Variants in CDH1 observed in about 807,000 individuals in gnomAD.
CDH1 encodes the protein cadherin-1.
CDH1 carries 35 observed loss-of-function variants against 84.5 expected under a neutral mutation model. The observed-to-expected ratio is 0.41, with a 90% CI of 0.32 to 0.55. CDH1 has a LOEUF of 0.55. Ranked by LOEUF, CDH1 falls within the 20% of genes least tolerant of loss-of-function variation. The pLI is 0.19. For missense variants in CDH1, 994 were observed against 1,126.6 expected (o/e 0.88, Z 1.68); for synonymous variants, 417 against 439.0 (o/e 0.95, Z 0.63).
chr16:68,808,686 T>C lies in CDH1; in HGVS notation c.532-7T>C, dbSNP rs1432324307. ...TACTAATTCTTTTTCTTTCATTTTG[T>C]CTTCAGATCAAATCCAACAAAGACA... is the stretch of plus-strand genomic sequence containing the variant. On this transcript the variant is annotated splice_polypyrimidine_tract_variant and splice_region_variant and intron_variant, in intron 4 of 15. Coordinates refer to ENST00000261769, the MANE Select transcript of CDH1 (RefSeq NM_004360.5). 5.0e-6 allele frequency: 8 copies of C among 1,614,070 alleles called. No individual in the cohort carries two copies. The highest frequency in any genetic ancestry group is 1.7e-5 in the Admixed American group (1 of 59,984).
At chr16:68,767,331 A>G (rs1345662050) in intron 2 of CDH1, among the ~76,000 whole-genome samples, 1 of 151,936 alleles carries the variant, frequency 6.6e-6, no homozygotes, top group East Asian at 1.9e-4. Flanking sequence ...AGTAGCTGGG[A>G]TTACAGGGGT....
chr16:68,833,687 G>T lies in CDH1; in HGVS notation c.*188G>T. The T allele has an allele frequency of 8.6e-6, 5 of 581,914 alleles. No homozygotes were observed. Among genetic ancestry groups the T allele is most frequent in the Non-Finnish European group, 1.2e-5 (4 of 328,138 alleles). 36.0% of individuals were successfully genotyped at this position (581,914 alleles called of 1,614,324 possible). ...GCTCTAATAAGTTTGTGTTAGAAAA[G>T]TTTCGACTTATTTCTTAAAGCTTTT... On this transcript the variant is annotated 3_prime_UTR_variant, in exon 16 of 16. Coordinates refer to ENST00000261769, the MANE Select transcript of CDH1 (RefSeq NM_004360.5).
At chr16:68,813,229 A>T in intron 8 of CDH1, 84 bp from the exon 9 acceptor site, 4 of 1,379,280 alleles carry the variant, frequency 2.9e-6, no homozygotes, top group Non-Finnish European at 4.1e-6. Flanking sequence ...AACAACAAAA[A>T]AAGAGGAATC....
At chr16:68,796,762 A>T (rs968673669) in intron 2 of CDH1, among the ~76,000 whole-genome samples, 2 of 136,658 alleles carry the variant, frequency 1.5e-5, no homozygotes, top group Non-Finnish European at 3.3e-5. Flanking sequence ...AGTTTTTGTC[A>T]TGAAAAAAAA....
At chr16:68,822,616 C>T (rs568783409) in intron 12 of CDH1, 72 of 440,652 alleles carry the variant, frequency 1.6e-4, no homozygotes, top group Non-Finnish European at 2.3e-4. Context: ...ACTATTCTAC[C>T]GAGGTGGAGG....
At chr16:68,761,368 C>G (rs1465197434) in intron 2 of CDH1, among the ~76,000 whole-genome samples, 1 of 152,196 alleles carries the variant, frequency 6.6e-6, no homozygotes, top group Non-Finnish European at 1.5e-5. Context: ...TCCCAAATCC[C>G]CTTCTCCTCA....
chr16:68,739,608 ATTTTT>A (rs549473582), intron 2 of CDH1, among the ~76,000 whole-genome samples: 4 of 79,182 alleles, frequency 5.1e-5, no homozygotes, highest in Admixed American at 1.5e-4. Context: ...AGGAATAATG[ATTTTT>A]TTTTTTTTTT....
At chr16:68,743,359 C>CTTTCTTTCTTTCTTTCTTTCTTTTCT in intron 2 of CDH1, among the ~76,000 whole-genome samples, 1 of 55,634 alleles carries the variant, frequency 1.8e-5, no homozygotes, top group East Asian at 5.6e-4. Flanking sequence ...TTCTTTCTTT[C>CTTTCTTTCTTTCTTTCTTTCTTTTCT]TTTCTTTTCT....
At chr16:68,743,359 C>T (rs79441307) in intron 2 of CDH1, among the ~76,000 whole-genome samples, 3 of 55,550 alleles carry the variant, frequency 5.4e-5, no homozygotes, top group African/African-American at 7.3e-5. Context: ...TTCTTTCTTT[C>T]TTTCTTTTCT....
In CDH1 at chr16:68,737,351, C is replaced by A. The variant is rs914143790; in HGVS notation, c.-65C>A. 2.6e-5 allele frequency: 36 copies of A among 1,381,096 alleles called. No homozygotes were observed. Among genetic ancestry groups the A allele is most frequent in the Non-Finnish European group, 3.4e-5 (35 of 1,017,154 alleles). 85.6% of individuals were successfully genotyped at this position (1,381,096 alleles called of 1,614,324 possible). On this transcript the variant is annotated 5_prime_UTR_variant, in exon 1 of 16. Coordinates refer to ENST00000261769, the MANE Select transcript of CDH1 (RefSeq NM_004360.5). Reference sequence around the variant, plus strand: ...GCGGAAGTCAGTTCAGACTCCAGCCCGCTCCAGCCCGGCCCGACCCGACCG... The same window carrying A: ...GCGGAAGTCAGTTCAGACTCCAGCCAGCTCCAGCCCGGCCCGACCCGACCG...
intron 13 of CDH1, among the ~76,000 whole-genome samples, chr16:68,824,432 C>T (rs1961265348): frequency 6.6e-6 from 1 of 152,168 alleles, no homozygotes; most frequent in East Asian, 1.9e-4. Flanking sequence ...ACCACCTCTA[C>T]ATTCCATCCT....
chr16:68,788,621 A>AT (rs1024381264), intron 2 of CDH1, among the ~76,000 whole-genome samples: 3 of 152,140 alleles, frequency 2.0e-5, no homozygotes, highest in Non-Finnish European at 4.4e-5. Context: ...GCTATACCAT[A>AT]TTTTACCCAT....
intron 2 of CDH1, among the ~76,000 whole-genome samples, chr16:68,754,426 GTATT>G (rs1962969736): frequency 6.6e-6 from 1 of 152,116 alleles, no homozygotes; most frequent in Non-Finnish European, 1.5e-5. Context: ...AAAAAGAAAA[GTATT>G]TGTTGTTGTA....
At chr16:68,803,684 C>G (rs747565062) in intron 3 of CDH1, among the ~76,000 whole-genome samples, 26 of 152,200 alleles carry the variant, frequency 1.7e-4, no homozygotes, top group Admixed American at 8.5e-4. Context: ...GTTTGAGCCA[C>G]TGAGCCCGGC....
Position 68,834,339 on chromosome 16 carries a change from T to A in CDH1, c.*840T>A, listed in dbSNP as rs1961582100. 4 of 493,006 alleles carry A rather than the reference T, an allele frequency of 8.1e-6. No homozygotes were observed. Among genetic ancestry groups the A allele is most frequent in the Non-Finnish European group, 1.6e-5 (4 of 251,112 alleles). 30.5% of individuals were successfully genotyped at this position (493,006 alleles called of 1,614,324 possible). On this transcript the variant is annotated 3_prime_UTR_variant, in exon 16 of 16. Coordinates refer to ENST00000261769, the MANE Select transcript of CDH1 (RefSeq NM_004360.5). ...ATGCAGTGATGTGATCATAGCTCAC[T>A]GTAACCTCAAACTCTGGGGCTCAAG... is the stretch of plus-strand genomic sequence containing the variant.
chr16:68,827,451 T>A (rs1392622258), intron 13 of CDH1, among the ~76,000 whole-genome samples: 5 of 151,992 alleles, frequency 3.3e-5, no homozygotes, highest in African/African-American at 4.8e-5. Flanking sequence ...ATTTTTTTTT[T>A]AAAGTTAAAT....
At position 68,819,274 on chromosome 16, in the gene CDH1, G is replaced by C. The variant is rs771635021; in HGVS notation, c.1566-6G>C. 6.2e-7 allele frequency: 1 copy of C among 1,614,196 alleles called. No homozygotes were observed. Among genetic ancestry groups the C allele is most frequent in the Non-Finnish European group, 8.5e-7 (1 of 1,180,028 alleles). On this transcript the variant is annotated splice_polypyrimidine_tract_variant and splice_region_variant and intron_variant, in intron 10 of 15. Transcript: ENST00000261769. ...ATTCTAAAAGCCAGAGCTTGTCCCC[G>C]TTCAGATATCGGATTTGGAGAGACA...
chr16:68,750,991 C>T (rs1291592213), intron 2 of CDH1, among the ~76,000 whole-genome samples: 1 of 152,146 alleles, frequency 6.6e-6, no homozygotes, highest in Non-Finnish European at 1.5e-5. Context: ...AGGCATGACG[C>T]CCAGCTGTTT....
chr16:68,785,378 G>A (rs1423894422), intron 2 of CDH1, among the ~76,000 whole-genome samples: 1 of 152,140 alleles, frequency 6.6e-6, no homozygotes, highest in Non-Finnish European at 1.5e-5. Context: ...TTTTAGTAGA[G>A]ACACGGTTTT....
Sources: allele counts gnomAD v4.1 joint callset (sites outside exome capture counted in the v4.1 genomes callset), GRCh38; gene constraint gnomAD v4.1.1; transcripts MANE v1.5; gene names NCBI Gene and HGNC (gene_info 2026-07-23, HGNC 2026-07-21).